SRPK2: variants seen among roughly 807,000 people sequenced by gnomAD.
SRPK2 encodes the protein SFRS protein kinase 2.
Under a neutral mutation model 90.8 loss-of-function variants are expected in SRPK2, and 21 were observed. That is an observed-to-expected ratio of 0.23 (90% CI 0.16 to 0.33). SRPK2 has a LOEUF of 0.33. Among genes scored for constraint, SRPK2 ranks in the 10% least tolerant of loss-of-function variants. The pLI is 1.00. For missense variants in SRPK2, 620 were observed against 869.0 expected (o/e 0.71, Z 3.60); for synonymous variants, 288 against 311.1 (o/e 0.93, Z 0.78).
chr7:105,221,805 G>GT (rs1798131140), intron 2 of SRPK2, among the ~76,000 whole-genome samples: 1 of 152,078 alleles, frequency 6.6e-6, no homozygotes. Context: ...TTGAAAAGTA[G>GT]TATTTATTTT....
At chr7:105,308,090 A>G (rs1811333500) in intron 2 of SRPK2, among the ~76,000 whole-genome samples, 6 of 152,340 alleles carry the variant, frequency 3.9e-5, no homozygotes, top group Middle Eastern at 3.4e-3. Context: ...TCACCCAAAT[A>G]TACCCCAAAA....
intron 2 of SRPK2, among the ~76,000 whole-genome samples, chr7:105,368,206 GCTAAAGTAAAAAACATGGC>G (rs1307638755): frequency 6.6e-6 from 1 of 152,122 alleles, no homozygotes; most frequent in Non-Finnish European, 1.5e-5. Context: ...AGTTTTTAAA[GCTAAAGTAAAAAACATGGC>G]CTTATTGCTT....
chr7:105,297,975 C>T (rs936661034), intron 2 of SRPK2, among the ~76,000 whole-genome samples: 1 of 152,128 alleles, frequency 6.6e-6, no homozygotes, highest in African/African-American at 2.4e-5. Context: ...CTCCTGACCT[C>T]GTGATCTGCC....
chr7:105,332,371 ACCTTC>A (rs1814525272), intron 2 of SRPK2, among the ~76,000 whole-genome samples: 1 of 152,178 alleles, frequency 6.6e-6, no homozygotes, highest in Non-Finnish European at 1.5e-5. Context: ...GATTCCAAAT[ACCTTC>A]TATTTCCAAA....
At chr7:105,318,296 T>C (rs890256623) in intron 2 of SRPK2, among the ~76,000 whole-genome samples, 1 of 152,012 alleles carries the variant, frequency 6.6e-6, no homozygotes, top group Non-Finnish European at 1.5e-5. Flanking sequence ...GGTTTCAGCA[T>C]GTTGGCCAGG....
intron 2 of SRPK2, among the ~76,000 whole-genome samples, chr7:105,274,974 G>A (rs1366145770): frequency 1.3e-5 from 2 of 150,792 alleles, no homozygotes; most frequent in South Asian, 2.1e-4. Context: ...TATAACCTCC[G>A]CCTCCCAGGT....
At chr7:105,245,211 C>A (rs965915760) in intron 2 of SRPK2, among the ~76,000 whole-genome samples, 3 of 152,154 alleles carry the variant, frequency 2.0e-5, no homozygotes, top group African/African-American at 7.2e-5. Context: ...CCTTGCGTCT[C>A]GAGCTAGTGG....
chr7:105,171,630 A>G (rs1391125011), intron 3 of SRPK2, among the ~76,000 whole-genome samples: 1 of 152,190 alleles, frequency 6.6e-6, no homozygotes, highest in African/African-American at 2.4e-5. Context: ...ATTTCTGAAC[A>G]TTTAAATTGT....
At chr7:105,226,308 C>G (rs1436391081) in intron 2 of SRPK2, among the ~76,000 whole-genome samples, 3 of 151,042 alleles carry the variant, frequency 2.0e-5, no homozygotes, top group African/African-American at 7.3e-5. Flanking sequence ...TTTTTTTTAA[C>G]AGAGTCTCAC....
chr7:105,208,622 A>G (rs1025370083), intron 2 of SRPK2, among the ~76,000 whole-genome samples: 2 of 152,146 alleles, frequency 1.3e-5, no homozygotes, highest in Non-Finnish European at 2.9e-5. Context: ...GTGGATGCTC[A>G]TATCGGGGGT....
chr7:105,227,248 C>T (rs1258836780), intron 2 of SRPK2, among the ~76,000 whole-genome samples: 1 of 152,072 alleles, frequency 6.6e-6, no homozygotes, highest in Non-Finnish European at 1.5e-5. Context: ...TGAGTAAGTT[C>T]GTTAGTGGTG....
intron 2 of SRPK2, among the ~76,000 whole-genome samples, chr7:105,371,508 C>G (rs1039474721): frequency 6.9e-6 from 1 of 145,608 alleles, no homozygotes; most frequent in Non-Finnish European, 1.5e-5. Flanking sequence ...TCCCAGCACT[C>G]TGGGAGGTTA....
At chr7:105,340,289 T>C (rs975748942) in intron 2 of SRPK2, among the ~76,000 whole-genome samples, 2 of 152,056 alleles carry the variant, frequency 1.3e-5, no homozygotes, top group Non-Finnish European at 2.9e-5. Context: ...AAGTGGGCAG[T>C]TGAGTTGTGA....
intron 15 of SRPK2, among the ~76,000 whole-genome samples, chr7:105,119,304 G>T (rs532883468): frequency 6.6e-6 from 1 of 152,032 alleles, no homozygotes; most frequent in African/African-American, 2.4e-5. Context: ...CCATTTATTC[G>T]AGTCAACTTG....
intron 3 of SRPK2, among the ~76,000 whole-genome samples, chr7:105,182,622 T>C (rs113422445): frequency 6.6e-6 from 1 of 152,120 alleles, no homozygotes; most frequent in African/African-American, 2.4e-5. Flanking sequence ...CGGCTAATTT[T>C]TGTGTTTTTT....
At chr7:105,322,971 G>A (rs1418400937) in intron 2 of SRPK2, among the ~76,000 whole-genome samples, 1 of 152,084 alleles carries the variant, frequency 6.6e-6, no homozygotes, top group East Asian at 1.9e-4. Flanking sequence ...GGCCCAGGTG[G>A]GTGGATCACT....
chr7:105,203,851 G>GC, intron 2 of SRPK2, 66 bp from the exon 3 acceptor site: 1 of 1,530,404 alleles, frequency 6.5e-7, no homozygotes, highest in South Asian at 1.2e-5. Flanking sequence ...ATGCATTTGA[G>GC]CACTTCTTAA....
intron 3 of SRPK2, among the ~76,000 whole-genome samples, chr7:105,179,756 C>T (rs1050526140): frequency 7.6e-6 from 1 of 130,928 alleles, no homozygotes; most frequent in Non-Finnish European, 1.5e-5. Context: ...ACCCAGGAGG[C>T]AGAGGTTGCA....
chr7:105,254,848 C>G lies in SRPK2; in HGVS notation c.72-51063G>C, dbSNP rs1803024157. Among the ~76,000 whole-genome samples, 4 of 132,340 alleles carry G rather than the reference C, an allele frequency of 3.0e-5. No homozygotes were observed. In the Admixed American group the frequency reaches 3.1e-4, roughly 10 times the overall value. 86.8% of individuals were successfully genotyped at this position (132,340 alleles called of 152,430 possible). ...GGGATTACAGGTGTACACCACCACA[C>G]CCAGCTAATTTTTGTATTTTTAGTA... On this transcript the variant is annotated intron_variant, in intron 2 of 15. Transcript: ENST00000393651.
Sources: gnomAD v4.1 joint callset for allele counts (sites outside exome capture counted in the v4.1 genomes callset) on GRCh38, gnomAD v4.1.1 for gene constraint, MANE v1.5 for transcripts, NCBI Gene and HGNC (gene_info 2026-07-23, HGNC 2026-07-21) for gene names.